Variants in RIT2 observed in about 807,000 individuals in gnomAD.
The protein encoded by RIT2 is Ras like without CAAX 2, also known as GTP-binding protein Rit2.
RIT2 carries 24 observed loss-of-function variants against 23.7 expected under a neutral mutation model. That is an observed-to-expected ratio of 1.01 (90% CI 0.73 to 1.43). RIT2 has a LOEUF of 1.43. Ranked by LOEUF, RIT2 falls within the 40% of genes most tolerant of loss-of-function variation. The pLI, the probability that RIT2 is intolerant of heterozygous loss-of-function variation, is 0.00. For synonymous variants in RIT2, 107 were observed against 91.1 expected, an observed-to-expected ratio of 1.17 and a Z score of -0.99; for missense variants, 236 against 266.9, an observed-to-expected ratio of 0.88 and a Z score of 0.81.
intron 4 of RIT2, among the ~76,000 whole-genome samples, chr18:42,869,973 C>A (rs568184399): frequency 2.5e-4 from 38 of 152,272 alleles, no homozygotes; most frequent in Non-Finnish European, 4.0e-4. Context: ...CTCACGGGCA[C>A]CCCTCTTCTC....
At chr18:42,871,587 C>T (rs993046799) in intron 4 of RIT2, among the ~76,000 whole-genome samples, 3 of 152,134 alleles carry the variant, frequency 2.0e-5, no homozygotes, top group Admixed American at 6.5e-5. Flanking sequence ...ATGTCATGGA[C>T]GCATACTACT....
At chr18:42,932,954 T>C (rs1055506216) in intron 3 of RIT2, among the ~76,000 whole-genome samples, 6 of 152,154 alleles carry the variant, frequency 3.9e-5, no homozygotes, top group Non-Finnish European at 8.8e-5. Flanking sequence ...CAATTAATTA[T>C]ATCTTTCTTA....
intron 4 of RIT2, among the ~76,000 whole-genome samples, chr18:42,869,183 T>C (rs185455149): frequency 1.3e-5 from 2 of 152,268 alleles, no homozygotes; most frequent in Admixed American, 1.3e-4. Context: ...GTGGTGGGTA[T>C]GGTTTCAGGA....
At chr18:43,005,034 T>C (rs1911195551) in intron 2 of RIT2, among the ~76,000 whole-genome samples, 1 of 151,790 alleles carries the variant, frequency 6.6e-6, no homozygotes, top group Admixed American at 6.6e-5. Flanking sequence ...ATGGGCCCTT[T>C]AAACAAATCA....
intron 4 of RIT2, among the ~76,000 whole-genome samples, chr18:42,845,945 A>C (rs1906897236): frequency 6.6e-6 from 1 of 151,966 alleles, no homozygotes; most frequent in Admixed American, 6.6e-5. Context: ...TGAGAAATAA[A>C]GTTGTAAAAT....
chr18:42,809,751 TAAAGA>T (rs1273610673), intron 4 of RIT2, among the ~76,000 whole-genome samples: 3 of 149,636 alleles, frequency 2.0e-5, no homozygotes, highest in Non-Finnish European at 3.0e-5. Flanking sequence ...GGCTCTAGAT[TAAAGA>T]AAACACACAT....
rs557107618 is a variant in RIT2 at position 42,747,494 on chromosome 18, C to T, written c.427-3774G>A. The stretch of plus-strand genomic sequence containing the variant: ...TGCTGCCAAAAGCAATCTATAAATG[C>T]AATTTCCATCAAAACACCACCGTCA... On this transcript the variant is annotated intron_variant, in intron 4 of 4. Coordinates refer to ENST00000326695, the MANE Select transcript of RIT2 (RefSeq NM_002930.4). 7.2e-5 allele frequency among the ~76,000 whole-genome samples: 11 copies of T among 151,980 alleles called. No individual in the cohort carries two copies. The East Asian group carries it at 2.1e-3, about 29-fold the overall frequency.
chr18:42,778,863 G>T (rs1913740848), intron 4 of RIT2, among the ~76,000 whole-genome samples: 1 of 152,108 alleles, frequency 6.6e-6, no homozygotes, highest in African/African-American at 2.4e-5. Flanking sequence ...AAAAAAAGAG[G>T]CAATCCATTT....
intron 4 of RIT2, among the ~76,000 whole-genome samples, chr18:42,755,179 A>G (rs1913133685): frequency 6.6e-6 from 1 of 152,146 alleles, no homozygotes; most frequent in Non-Finnish European, 1.5e-5. Context: ...AAGAAATTTT[A>G]ACTTCTTTCA....
chr18:43,003,734 A>G (rs1239318012), intron 2 of RIT2, among the ~76,000 whole-genome samples: 4 of 142,464 alleles, frequency 2.8e-5, no homozygotes, highest in Non-Finnish European at 6.1e-5. Flanking sequence ...TCTCCACTCT[A>G]TCATTACTTT....
At chr18:42,914,992 G>C (rs1908867933) in intron 4 of RIT2, among the ~76,000 whole-genome samples, 1 of 74,014 alleles carries the variant, frequency 1.4e-5, no homozygotes, top group South Asian at 5.2e-4. Flanking sequence ...TAAGCATGTG[G>C]TTGAGTTAAA....
At chr18:42,837,006 T>G (rs2144017696) in intron 4 of RIT2, among the ~76,000 whole-genome samples, 1 of 152,216 alleles carries the variant, frequency 6.6e-6, no homozygotes, top group East Asian at 1.9e-4. Context: ...TGTCGTTTTC[T>G]TCTTCCAACT....
chr18:42,988,873 T>C (rs1171201498), intron 2 of RIT2, among the ~76,000 whole-genome samples: 3 of 152,194 alleles, frequency 2.0e-5, no homozygotes, highest in Non-Finnish European at 4.4e-5. Context: ...GATGGGCTCC[T>C]GAGGACCAGA....
intron 2 of RIT2, among the ~76,000 whole-genome samples, chr18:43,027,910 C>T (rs1911770170): frequency 6.6e-6 from 1 of 151,958 alleles, no homozygotes; most frequent in Non-Finnish European, 1.5e-5. Context: ...ACTTAGATAA[C>T]AGGGGAAAAA....
At chr18:42,964,862 A>G (rs1910177754) in intron 3 of RIT2, among the ~76,000 whole-genome samples, 1 of 152,198 alleles carries the variant, frequency 6.6e-6, no homozygotes, top group South Asian at 2.1e-4. Context: ...TTAATAGACT[A>G]GTAGTTTGGA....
intron 3 of RIT2, among the ~76,000 whole-genome samples, chr18:42,936,841 G>A (rs752784079): frequency 5.9e-5 from 9 of 151,796 alleles, no homozygotes; most frequent in African/African-American, 1.2e-4. Context: ...GTAAAACCCC[G>A]TCTCTACTAA....
rs538148656 is a variant in RIT2, at chr18:42,781,003, T to A, written c.427-37283A>T. ...AAAGTAAATATCTTGGTAAAAATAA[T>A]CATTTCCTTTGTGGTTGACCTGCAG... On this transcript the variant is annotated intron_variant, in intron 4 of 4. Coordinates refer to ENST00000326695, the MANE Select transcript of RIT2 (RefSeq NM_002930.4). Among the ~76,000 whole-genome samples the A allele has an allele frequency of 4.7e-4, 72 of 152,264 alleles. 1 individual carries two copies. The East Asian group carries it at 0.013, about 28-fold the overall frequency.
chr18:42,803,105 A>G (rs1003083709), intron 4 of RIT2, among the ~76,000 whole-genome samples: 7 of 152,200 alleles, frequency 4.6e-5, no homozygotes, highest in African/African-American at 1.4e-4. Context: ...ATTCATTAAC[A>G]ACCACCATAG....
rs141866737 is a variant in RIT2 at position 42,772,082 on chromosome 18, T to G, written c.427-28362A>C. Among the ~76,000 whole-genome samples, 734 of 152,212 alleles carry G rather than the reference T, an allele frequency of 4.8e-3. 4 individuals carry two copies. The highest frequency in any genetic ancestry group is 0.017 in the African/African-American group (696 of 41,524). Reference sequence around the variant, plus strand: ...ATTAGAGACAAATATAAGTGAGAAGTTATCCAATGACAGAAGTTGGGATCT... The same window carrying G: ...ATTAGAGACAAATATAAGTGAGAAGGTATCCAATGACAGAAGTTGGGATCT... On this transcript the variant is annotated intron_variant, in intron 4 of 4. Transcript: ENST00000326695.
Sources: gnomAD v4.1 joint callset for allele counts (sites outside exome capture counted in the v4.1 genomes callset) on GRCh38, gnomAD v4.1.1 for gene constraint, MANE v1.5 for transcripts, NCBI Gene and HGNC (gene_info 2026-07-23, HGNC 2026-07-21) for gene names.